Variants in CAMK4 observed in about 807,000 individuals in gnomAD.
CAMK4 encodes the protein calcium/calmodulin-dependent protein kinase type IV.
CAMK4 carries 22 observed loss-of-function variants against 44.9 expected under a neutral mutation model. The observed-to-expected ratio is 0.49, with a 90% CI of 0.35 to 0.70. The LOEUF (loss-of-function observed/expected upper bound fraction) is 0.70. Among genes scored for constraint, CAMK4 ranks in the 30% least tolerant of loss-of-function variants. The pLI is 0.01. For synonymous variants in CAMK4, 218 were observed against 215.4 expected, an observed-to-expected ratio of 1.01 and a Z score of -0.11; for missense variants, 498 against 586.8, an observed-to-expected ratio of 0.85 and a Z score of 1.56.
At chr5:111,431,934 C>T (rs1388020446) in intron 5 of CAMK4, among the ~76,000 whole-genome samples, 3 of 151,892 alleles carry the variant, frequency 2.0e-5, no homozygotes, top group Non-Finnish European at 1.5e-5. Context: ...AGTACAATCA[C>T]CATAAAGAAC....
chr5:111,297,655 C>G (rs1343242938), intron 1 of CAMK4, among the ~76,000 whole-genome samples: 1 of 152,260 alleles, frequency 6.6e-6, no homozygotes, highest in East Asian at 1.9e-4. Context: ...GCTAATGCCT[C>G]ACTCTCATTG....
At chr5:111,311,826 A>T (rs1337914769) in intron 1 of CAMK4, among the ~76,000 whole-genome samples, 2 of 152,166 alleles carry the variant, frequency 1.3e-5, no homozygotes, top group Non-Finnish European at 1.5e-5. Flanking sequence ...TAGAGAATCA[A>T]TATGGGTAAT....
At chr5:111,366,889 T>C (rs1750813497) in intron 2 of CAMK4, among the ~76,000 whole-genome samples, 1 of 151,924 alleles carries the variant, frequency 6.6e-6, no homozygotes, top group Non-Finnish European at 1.5e-5. Context: ...TCAAAAAGTA[T>C]ATCAAAGACC....
In CAMK4 at chr5:111,486,663, G is replaced by T. The variant is rs975267532; in HGVS notation, c.*2197G>T. ...CCCCCATATTGTTCCAAGGGCAGTT[G>T]TTACATTATTTCAACACTAGAGTAG... On this transcript the variant is annotated 3_prime_UTR_variant, in exon 11 of 11. Coordinates refer to ENST00000282356, the MANE Select transcript of CAMK4 (RefSeq NM_001744.6). The T allele has an allele frequency of 5.9e-5, 9 of 152,050 alleles. No individual in the cohort carries two copies. The highest frequency in any genetic ancestry group is 2.2e-4 in the African/African-American group (9 of 41,392). The allele number at this position is 152,050 out of a possible 1,614,324, so 9.4% of individuals were successfully genotyped here. A position where few individuals can be genotyped will look rare whatever the true frequency, so the allele number is the denominator to read the frequency against.
chr5:111,298,723 A>T (rs1282881049), intron 1 of CAMK4, among the ~76,000 whole-genome samples: 2 of 152,184 alleles, frequency 1.3e-5, no homozygotes, highest in Non-Finnish European at 2.9e-5. Context: ...TCTGAATTAC[A>T]CCTGCATGGC....
At chr5:111,469,579 C>CT (rs2112481694) in intron 7 of CAMK4, among the ~76,000 whole-genome samples, 1 of 152,236 alleles carries the variant, frequency 6.6e-6, no homozygotes, top group Non-Finnish European at 1.5e-5. Context: ...CCTTAGAGTT[C>CT]TTTGGCTGGG....
intron 7 of CAMK4, among the ~76,000 whole-genome samples, chr5:111,469,019 C>T (rs1398015877): frequency 6.6e-6 from 1 of 150,864 alleles, no homozygotes; most frequent in African/African-American, 2.4e-5. Context: ...TGGCAAGCAC[C>T]TGTAATCCCA....
intron 5 of CAMK4, among the ~76,000 whole-genome samples, chr5:111,440,149 C>T (rs115942113): frequency 2.6e-3 from 400 of 152,128 alleles, no homozygotes; most frequent in African/African-American, 9.1e-3. Context: ...TAGTCTAGAG[C>T]ATACTAATGT....
intron 1 of CAMK4, among the ~76,000 whole-genome samples, chr5:111,226,962 T>C (rs991877550): frequency 2.6e-5 from 4 of 152,232 alleles, no homozygotes; most frequent in Admixed American, 2.6e-4. Flanking sequence ...TCTAGTCTTA[T>C]GATTACTGTA....
intron 1 of CAMK4, among the ~76,000 whole-genome samples, chr5:111,332,055 A>G (rs1274844082): frequency 6.6e-6 from 1 of 151,544 alleles, no homozygotes; most frequent in Non-Finnish European, 1.5e-5. Context: ...TATTGCTCAC[A>G]CCCACACAAT....
intron 1 of CAMK4, among the ~76,000 whole-genome samples, chr5:111,251,454 ACAGT>A (rs1413416692): frequency 6.6e-6 from 1 of 152,198 alleles, no homozygotes; most frequent in African/African-American, 2.4e-5. Context: ...AAACTCCAAG[ACAGT>A]CAGAGAAGAG....
chr5:111,403,682 A>G (rs1752313269), intron 5 of CAMK4, among the ~76,000 whole-genome samples: 1 of 152,196 alleles, frequency 6.6e-6, no homozygotes, highest in African/African-American at 2.4e-5. Context: ...ATTTTATCAG[A>G]AATTTTGGAA....
chr5:111,230,645 T>C (rs1748425548), intron 1 of CAMK4, among the ~76,000 whole-genome samples: 2 of 151,784 alleles, frequency 1.3e-5, no homozygotes, highest in Non-Finnish European at 2.9e-5. Context: ...AAAAGAACAC[T>C]AACCACAAAA....
intron 5 of CAMK4, among the ~76,000 whole-genome samples, chr5:111,440,316 A>T (rs963721193): frequency 6.6e-6 from 1 of 152,238 alleles, no homozygotes; most frequent in South Asian, 2.1e-4. Context: ...AGAACTGAGC[A>T]TAAACAAAGT....
chr5:111,331,131 A>T (rs1051116175), intron 1 of CAMK4, among the ~76,000 whole-genome samples: 12 of 151,894 alleles, frequency 7.9e-5, no homozygotes, highest in African/African-American at 2.9e-4. Context: ...AAATTAAAAG[A>T]TTATGATTAT....
At chr5:111,326,615 C>T (rs1490482253) in intron 1 of CAMK4, among the ~76,000 whole-genome samples, 1 of 148,884 alleles carries the variant, frequency 6.7e-6, no homozygotes, top group Admixed American at 6.7e-5. Flanking sequence ...TTTTTATTAA[C>T]TTCGGTAACA....
intron 1 of CAMK4, among the ~76,000 whole-genome samples, chr5:111,227,427 T>C (rs1031765454): frequency 7.2e-5 from 11 of 152,214 alleles, no homozygotes; most frequent in Admixed American, 7.2e-4. Context: ...TGGTGTTACG[T>C]GTTGCTGTTG....
intron 1 of CAMK4, among the ~76,000 whole-genome samples, chr5:111,294,272 C>T (rs557964428): frequency 4.6e-5 from 7 of 152,106 alleles, no homozygotes; most frequent in Non-Finnish European, 7.4e-5. Context: ...GCTTATAAAA[C>T]TACACATATT....
At chr5:111,470,579 C>T (rs947659971) in intron 7 of CAMK4, among the ~76,000 whole-genome samples, 3 of 152,160 alleles carry the variant, frequency 2.0e-5, no homozygotes, top group African/African-American at 7.2e-5. Context: ...ATAACAGCAG[C>T]CATTTAGTCT....
Sources: allele counts gnomAD v4.1 joint callset (sites outside exome capture counted in the v4.1 genomes callset), GRCh38; gene constraint gnomAD v4.1.1; transcripts MANE v1.5; gene names NCBI Gene and HGNC (gene_info 2026-07-23, HGNC 2026-07-21).